RASIP1: variants seen among roughly 807,000 people sequenced by gnomAD.
RASIP1 encodes Ras interacting protein 1.
RASIP1 carries 20 observed loss-of-function variants against 85.3 expected under a neutral mutation model. That is an observed-to-expected ratio of 0.23 (90% CI 0.17 to 0.34). The LOEUF (loss-of-function observed/expected upper bound fraction) is 0.34. Among genes scored for constraint, RASIP1 ranks in the 10% least tolerant of loss-of-function variants. The pLI, the probability that RASIP1 is intolerant of heterozygous loss-of-function variation, is 1.00. For missense variants in RASIP1, 1,170 were observed against 1,390.9 expected (o/e 0.84, Z 2.53); for synonymous variants, 617 against 647.1 (o/e 0.95, Z 0.71).
intron 4 of RASIP1, among the ~76,000 whole-genome samples, chr19:48,734,637 G>A (rs1194530933): frequency 4.0e-5 from 6 of 151,886 alleles, no homozygotes; most frequent in South Asian, 2.1e-4. Context: ...ACAGGCGTGC[G>A]CCACCACACC....
chr19:48,727,132 G>A lies in RASIP1; in HGVS notation c.1898C>T (p.Pro633Leu), dbSNP rs776347117. ...ENHPEGVPEVPLTPEAVSVEL... is the reference protein window; with the variant it reads ...ENHPEGVPEVLLTPEAVSVEL... ...CACAGACACAGCTTCAGGAGTCAGG[G>A]GCACCTCGGGGACCCCCTCAGGGTG... Residue 633 changes from proline (P) to leucine (L), a missense_variant, in exon 7 of 12, where the codon CCC becomes CTC. Transcript: ENST00000222145. The A allele has an allele frequency of 6.2e-7, 1 of 1,613,932 alleles. No individual in the cohort carries two copies. Among genetic ancestry groups the A allele is most frequent in the African/African-American group, 1.3e-5 (1 of 74,914 alleles).
rs2033644806 is a variant in RASIP1 at position 48,740,030 on chromosome 19, G to A, written c.137+116C>T. Reference sequence around the variant, plus strand: ...ACCGTCTCCCCCTGCCCACCAGCTCGTTTGCCCAATTCAGGATGAGGACCG... The same window carrying A: ...ACCGTCTCCCCCTGCCCACCAGCTCATTTGCCCAATTCAGGATGAGGACCG... On this transcript the variant is annotated intron_variant, in intron 2 of 11. Transcript: ENST00000222145. This position sits in a 1 kb window ranked among gnomAD's most constrained non-coding sequence, Gnocchi z 5.5. 1 of 1,354,586 alleles carries A rather than the reference G, an allele frequency of 7.4e-7. No homozygotes were observed. The allele number at this position is 1,354,586 out of a possible 1,614,324, so 83.9% of individuals were successfully genotyped here. A position where few individuals can be genotyped will look rare whatever the true frequency, so the allele number is the denominator to read the frequency against.
rs916467195 is a variant in RASIP1, at chr19:48,724,069, A to G, written c.2544+268T>C. Among the ~76,000 whole-genome samples, 7 of 152,122 alleles carry G rather than the reference A, an allele frequency of 4.6e-5. No individual in the cohort carries two copies. Among genetic ancestry groups the G allele is most frequent in the African/African-American group, 1.7e-4 (7 of 41,426 alleles). On this transcript the variant is annotated intron_variant, in intron 10 of 11. Coordinates refer to ENST00000222145, the MANE Select transcript of RASIP1 (RefSeq NM_017805.3). The surrounding 1 kb of genome is among the most constrained non-coding windows in gnomAD (Gnocchi z 4.6). ...GTGATCCACCTACTTAGGCCTCCCA[A>G]AGTGTTGGGATTATAGGCGCGAGCC...
intron 3 of RASIP1, among the ~76,000 whole-genome samples, chr19:48,737,027 C>T (rs2033585864): frequency 6.6e-6 from 1 of 152,158 alleles, no homozygotes; most frequent in African/African-American, 2.4e-5. Context: ...CAGAGCAAGA[C>T]TCCATCTCGA....
In RASIP1 at chr19:48,735,515, C is replaced by A; in HGVS notation, c.860G>T (p.Arg287Leu). The A allele has an allele frequency of 6.5e-7, 1 of 1,548,128 alleles. No homozygotes were observed. Among genetic ancestry groups the A allele is most frequent in the Non-Finnish European group, 8.7e-7 (1 of 1,145,436 alleles). ...TGCCCCACCCGACGCCGCCCGGGAG[C>A]GGTTCTTCTGTGGCCGCCACGAAGG... The part of the protein sequence containing the change: ...GAPSWRPQKN[R>L]SRAASGGAAL... The change falls in exon 4 of 12, where the codon CGC becomes CTC. Residue 287 changes from arginine (R) to leucine (L), a missense_variant. By Grantham distance (102) the Arg-to-Leu change is moderately radical (BLOSUM62 -2). Coordinates refer to ENST00000222145, the MANE Select transcript of RASIP1 (RefSeq NM_017805.3).
At chr19:48,736,826 G>A (rs868865860) in intron 3 of RASIP1, among the ~76,000 whole-genome samples, 5 of 152,198 alleles carry the variant, frequency 3.3e-5, no homozygotes, top group African/African-American at 1.2e-4. Context: ...CTTGAGGTCA[G>A]GAATTCGAGA....
chr19:48,722,951 C>T lies in RASIP1; in HGVS notation c.2545-950G>A, dbSNP rs540936911. On this transcript the variant is annotated intron_variant, in intron 10 of 11. Coordinates refer to ENST00000222145, the MANE Select transcript of RASIP1 (RefSeq NM_017805.3). ...CCCATGCTGGAGTACAGTGGCATGA[C>T]TGTGGCTCACTGCAGCCTCAACCTC... 2.5e-3 allele frequency among the ~76,000 whole-genome samples: 387 copies of T among 152,256 alleles called. 1 individual carries two copies. The highest frequency in any genetic ancestry group is 4.2e-3 in the Non-Finnish European group (283 of 68,002).
In RASIP1 at chr19:48,724,622, C is replaced by T. The variant is rs2033309866; in HGVS notation, c.2371+95G>A. ...TCTGGAGCTTGTTCTCCAGGGTACC[C>T]AAAGGTGAGGCTTGAGCCCGTGGTG... is the stretch of plus-strand genomic sequence containing the variant. On this transcript the variant is annotated intron_variant, in intron 9 of 11. Coordinates refer to ENST00000222145, the MANE Select transcript of RASIP1 (RefSeq NM_017805.3). This position sits in a 1 kb window ranked among gnomAD's most constrained non-coding sequence, Gnocchi z 4.6. 6.3e-7 allele frequency: 1 copy of T among 1,578,228 alleles called. No individual in the cohort carries two copies. Among genetic ancestry groups the T allele is most frequent in the African/African-American group, 1.3e-5 (1 of 74,282 alleles).
At chr19:48,728,898 G>T in intron 5 of RASIP1, 39 bp downstream of exon 5, 3 of 1,416,184 alleles carry the variant, frequency 2.1e-6, no homozygotes, top group Non-Finnish European at 2.7e-6. Flanking sequence ...AGGGACTTGG[G>T]GCGCTGGTGG....
intron 3 of RASIP1, chr19:48,737,585 C>T (rs2033596017): frequency 1.0e-6 from 1 of 985,340 alleles, no homozygotes; most frequent in Admixed American, 6.2e-5. Flanking sequence ...AGCGGCTCCG[C>T]CCATCTTAGT....
chr19:48,735,233 G>C lies in RASIP1; in HGVS notation c.1142C>G (p.Pro381Arg). The C allele has an allele frequency of 6.2e-7, 1 of 1,613,510 alleles. No individual in the cohort carries two copies. Among genetic ancestry groups the C allele is most frequent in the East Asian group, 2.2e-5 (1 of 44,874 alleles). Reference protein sequence around the residue: ...QCLIQAPSNRPYFLLLQGYQD... With the variant: ...QCLIQAPSNRRYFLLLQGYQD... ...GTAGCCCTGGAGCAGCAGGAAGTAG[G>C]GGCGGTTGCTGGGGGCCTGGATGAG... is the stretch of plus-strand genomic sequence containing the variant. Residue 381 changes from proline (P) to arginine (R), a missense_variant, in exon 4 of 12, where the codon CCC becomes CGC. Physicochemically the swap from Pro to Arg is moderately radical, Grantham distance 103. This residue lies in a region of RASIP1 where 301 missense variants were observed against 294.8 expected (regional missense o/e 1.02). Coordinates refer to ENST00000222145, the MANE Select transcript of RASIP1 (RefSeq NM_017805.3).
chr19:48,734,563 C>A (rs1416542767), intron 4 of RASIP1, among the ~76,000 whole-genome samples: 1 of 151,298 alleles, frequency 6.6e-6, no homozygotes, highest in East Asian at 2.0e-4. Context: ...TCTTGGCTCA[C>A]CGCAACCTCT....
intron 5 of RASIP1, among the ~76,000 whole-genome samples, chr19:48,728,110 A>G (rs564581210): frequency 4.6e-5 from 7 of 152,170 alleles, no homozygotes; most frequent in African/African-American, 1.7e-4. Context: ...TTTTACCCCC[A>G]AGAAACTCCT....
In RASIP1 at chr19:48,735,263, T is replaced by C. The variant is rs1195237269; in HGVS notation, c.1112A>G (p.Gln371Arg). ...ADPGDFDQLT[Q>R]CLIQAPSNRP... ...GTTGCTGGGGGCCTGGATGAGGCACTGAGTCAACTGATCGAAGTCCCCGGG... is the reference window on the plus strand; with the variant it reads ...GTTGCTGGGGGCCTGGATGAGGCACCGAGTCAACTGATCGAAGTCCCCGGG... The change falls in exon 4 of 12, where the codon CAG becomes CGG. Residue 371 changes from glutamine to arginine, a missense_variant. Physicochemically the swap from Gln to Arg is conservative, Grantham distance 43. Transcript: ENST00000222145. 1 of 1,614,044 alleles carries C rather than the reference T, an allele frequency of 6.2e-7. No individual in the cohort carries two copies. Among genetic ancestry groups the C allele is most frequent in the Admixed American group, 1.7e-5 (1 of 60,026 alleles).
At chr19:48,729,706 CTTCTT>C (rs879228283) in intron 4 of RASIP1, 116 bp from the exon 5 acceptor site, 3,641 of 589,986 alleles carry the variant, frequency 6.2e-3, no homozygotes, top group Non-Finnish European at 8.2e-3. Context: ...TTTCCTTCTT[CTTCTT>C]TTTTTTTTTT....
Position 48,738,939 on chromosome 19 carries a change from A to T in RASIP1, c.823+21T>A. ...CTCTCTGGCACCGAGTCCCCGCCCC[A>T]GAGCCCCGCCCGCCGCTCACCTTCG... On this transcript the variant is annotated intron_variant, in intron 3 of 11. Transcript: ENST00000222145. This position sits in a 1 kb window ranked among gnomAD's most constrained non-coding sequence, Gnocchi z 4.0. 1 of 864,498 alleles carries T rather than the reference A, an allele frequency of 1.2e-6. No homozygotes were observed. Among genetic ancestry groups the T allele is most frequent in the Non-Finnish European group, 1.3e-6 (1 of 764,524 alleles). 53.6% of individuals were successfully genotyped at this position (864,498 alleles called of 1,614,324 possible). A position where few individuals can be genotyped will look rare whatever the true frequency, so the allele number is the denominator to read the frequency against.
rs1306746286 is a variant in RASIP1 at position 48,726,593 on chromosome 19, CAG to C, written c.2127+190_2127+191del. ...TGATGTAAGCTCTAACAAGTGGTGT[CAG>C]AACAGCAAAGTCCTTGGGTGAGATG... is the stretch of plus-strand genomic sequence containing the variant. On this transcript the variant is annotated intron_variant, in intron 8 of 11. Coordinates refer to ENST00000222145, the MANE Select transcript of RASIP1 (RefSeq NM_017805.3). Among the ~76,000 whole-genome samples, 7 of 152,282 alleles carry C rather than the reference CAG, an allele frequency of 4.6e-5. No homozygotes were observed. The South Asian group carries it at 8.3e-4, about 18-fold the overall frequency.
chr19:48,726,878 G>C lies in RASIP1; in HGVS notation c.2034C>G (p.Leu678=). 6.2e-7 allele frequency: 1 copy of C among 1,613,800 alleles called. No homozygotes were observed. Among genetic ancestry groups the C allele is most frequent in the Non-Finnish European group, 8.5e-7 (1 of 1,179,824 alleles). ...CATCACATAATTCCAAGTCATTGCA[G>C]AGCTGTGGGTCTGAGGACAGGCTTG... ...EKEADQEDPQ[L]CNDLELCDEA... is the part of the protein sequence containing the mutation. Residue 678 remains leucine, a synonymous_variant, in exon 8 of 12, where the codon CTC becomes CTG. Coordinates refer to ENST00000222145, the MANE Select transcript of RASIP1 (RefSeq NM_017805.3).
At position 48,738,853 on chromosome 19, in the gene RASIP1, C is replaced by T; in HGVS notation, c.823+107G>A. ...CCTCCCAGTCCCCTCCCGCGGGCCC[C>T]GCCCCCAGCCAGCCCGCGAGTCCCA... On this transcript the variant is annotated intron_variant, in intron 3 of 11. Coordinates refer to ENST00000222145, the MANE Select transcript of RASIP1 (RefSeq NM_017805.3). The surrounding 1 kb of genome is among the most constrained non-coding windows in gnomAD (Gnocchi z 4.0). 1 of 1,120,268 alleles carries T rather than the reference C, an allele frequency of 8.9e-7. No individual in the cohort carries two copies. Among genetic ancestry groups the T allele is most frequent in the Non-Finnish European group, 1.1e-6 (1 of 909,070 alleles). The allele number at this position is 1,120,268 out of a possible 1,614,324, so 69.4% of individuals were successfully genotyped here.
Sources: allele counts gnomAD v4.1 joint callset (sites outside exome capture counted in the v4.1 genomes callset), GRCh38; gene constraint gnomAD v4.1.1; regional missense constraint gnomAD v4.1.1; non-coding constraint Gnocchi (gnomAD v3.1); transcripts MANE v1.5; gene names NCBI Gene and HGNC (gene_info 2026-07-23, HGNC 2026-07-21).